DMRT1: variants seen among roughly 807,000 people sequenced by gnomAD.
The protein encoded by DMRT1 is doublesex and mab-3 related transcription factor 1, also known as doublesex- and mab-3-related transcription factor 1.
A neutral mutation model predicts 32.3 loss-of-function variants in DMRT1; 7 were observed. That is an observed-to-expected ratio of 0.22 (90% CI 0.12 to 0.41). The LOEUF (loss-of-function observed/expected upper bound fraction) is 0.41, where lower values mean the gene tolerates loss of function less well. Ranked by LOEUF, DMRT1 falls within the 10% of genes least tolerant of loss-of-function variation. The pLI, the probability that DMRT1 is intolerant of heterozygous loss-of-function variation, is 1.00. For missense variants in DMRT1, 625 were observed against 500.5 expected, an observed-to-expected ratio of 1.25 and a Z score of -2.37; for synonymous variants, 278 against 206.1, an observed-to-expected ratio of 1.35 and a Z score of -2.99.
chr9:863,583 C>G (rs1269850895), intron 2 of DMRT1, among the ~76,000 whole-genome samples: 1 of 152,132 alleles, frequency 6.6e-6, no homozygotes, highest in East Asian at 1.9e-4. Flanking sequence ...ATTCTGCCAT[C>G]TAACTGATTG....
chr9:868,739 T>G (rs1656320954), intron 2 of DMRT1, among the ~76,000 whole-genome samples: 4 of 152,194 alleles, frequency 2.6e-5, no homozygotes, highest in Non-Finnish European at 4.4e-5. Context: ...GCTGGGCACG[T>G]TGGCTCATGC....
chr9:903,464 T>G (rs910010271), intron 3 of DMRT1, among the ~76,000 whole-genome samples: 2 of 152,256 alleles, frequency 1.3e-5, no homozygotes, highest in African/African-American at 4.8e-5. Flanking sequence ...AATTGCTGTT[T>G]TGTTTCACAG....
chr9:963,836 G>T (rs927995211), intron 4 of DMRT1, among the ~76,000 whole-genome samples: 2 of 152,178 alleles, frequency 1.3e-5, no homozygotes, highest in Non-Finnish European at 2.9e-5. Flanking sequence ...TGAAGTGGAA[G>T]AATTTGTTGT....
At chr9:860,331 T>A (rs1815602172) in intron 2 of DMRT1, among the ~76,000 whole-genome samples, 1 of 152,082 alleles carries the variant, frequency 6.6e-6, no homozygotes, top group Admixed American at 6.6e-5. Context: ...TAAAATAAAA[T>A]ACACAAAATA....
intron 1 of DMRT1, among the ~76,000 whole-genome samples, chr9:845,875 G>C (rs1289798805): frequency 6.6e-6 from 1 of 152,092 alleles, no homozygotes; most frequent in African/African-American, 2.4e-5. Context: ...TCAAGGCTCT[G>C]TCCAAATACT....
At chr9:907,839 G>A (rs911776832) in intron 3 of DMRT1, among the ~76,000 whole-genome samples, 2 of 151,676 alleles carry the variant, frequency 1.3e-5, no homozygotes, top group South Asian at 4.2e-4. Flanking sequence ...ATGTGTGTGT[G>A]TGTGTGTGTG....
At chr9:944,533 T>C (rs986129398) in intron 4 of DMRT1, among the ~76,000 whole-genome samples, 1 of 152,226 alleles carries the variant, frequency 6.6e-6, no homozygotes, top group African/African-American at 2.4e-5. Flanking sequence ...GTCCTCCTGA[T>C]TGTTTGCATT....
At chr9:943,823 T>G (rs1298004480) in intron 4 of DMRT1, among the ~76,000 whole-genome samples, 1 of 152,230 alleles carries the variant, frequency 6.6e-6, no homozygotes, top group Non-Finnish European at 1.5e-5. Context: ...AAGAAGTTAT[T>G]TTTATCTTTC....
intron 2 of DMRT1, among the ~76,000 whole-genome samples, chr9:885,220 G>T (rs1586564866): frequency 6.6e-6 from 1 of 152,154 alleles, no homozygotes; most frequent in African/African-American, 2.4e-5. Context: ...GTTACAGGGT[G>T]CCTTTTAGTT....
chr9:959,136 G>T (rs117052268), intron 4 of DMRT1, among the ~76,000 whole-genome samples: 2,099 of 152,368 alleles, frequency 0.014, 18 homozygotes, highest in Non-Finnish European at 0.024. Context: ...AGAATCAAAT[G>T]ATAAGTCTAT....
chr9:908,901 C>T (rs1055612150), intron 3 of DMRT1, among the ~76,000 whole-genome samples: 4 of 152,172 alleles, frequency 2.6e-5, no homozygotes, highest in Non-Finnish European at 5.9e-5. Flanking sequence ...TTGGGTTCTT[C>T]AGCATCTGAA....
chr9:904,791 A>G (rs7035826), intron 3 of DMRT1, among the ~76,000 whole-genome samples: 34,744 of 152,118 alleles, frequency 0.23, 5,537 homozygotes, highest in African/African-American at 0.45. Flanking sequence ...CTAAAAATAC[A>G]AAATTAGCTG....
chr9:863,028 G>C (rs536988170), intron 2 of DMRT1, among the ~76,000 whole-genome samples: 4 of 151,784 alleles, frequency 2.6e-5, no homozygotes, highest in African/African-American at 7.2e-5. Context: ...TAAAAGTGGA[G>C]AGCTCCCTGG....
rs1820006050 is a variant in DMRT1 at position 968,414 on chromosome 9, T to C, written c.*275T>C. 1 of 387,780 alleles carries C rather than the reference T, an allele frequency of 2.6e-6. No homozygotes were observed. The highest frequency in any genetic ancestry group is 4.7e-6 in the Non-Finnish European group (1 of 210,990). 24.0% of individuals were successfully genotyped at this position (387,780 alleles called of 1,614,324 possible). The stretch of plus-strand genomic sequence containing the variant: ...CTGGTTTCATGTAGTTTTCAAGAAA[T>C]AAAAGAATTCATTCAAGTGAAGCCA... On this transcript the variant is annotated 3_prime_UTR_variant, in exon 5 of 5. Transcript: ENST00000382276.
chr9:903,106 GT>G (rs1329410678), intron 3 of DMRT1, among the ~76,000 whole-genome samples: 1 of 152,140 alleles, frequency 6.6e-6, no homozygotes, highest in Admixed American at 6.5e-5. Flanking sequence ...TGCCTATGAT[GT>G]TTTCTTCTGC....
At chr9:883,269 G>C (rs1046210632) in intron 2 of DMRT1, among the ~76,000 whole-genome samples, 11 of 151,470 alleles carry the variant, frequency 7.3e-5, no homozygotes, top group Admixed American at 2.6e-4. Flanking sequence ...ACCAAATTAC[G>C]TTAAAAAGAT....
chr9:899,287 A>C (rs758665956), intron 3 of DMRT1, among the ~76,000 whole-genome samples: 4 of 152,178 alleles, frequency 2.6e-5, no homozygotes, highest in Non-Finnish European at 4.4e-5. Context: ...TAACTTTTTA[A>C]AGCTAGAAGG....
chr9:897,145 CT>C (rs1817401744), intron 3 of DMRT1, among the ~76,000 whole-genome samples: 1 of 150,232 alleles, frequency 6.7e-6, no homozygotes. Flanking sequence ...CAGATTCTCG[CT>C]CTGTCGCCCA....
At chr9:884,855 A>G (rs1294142364) in intron 2 of DMRT1, among the ~76,000 whole-genome samples, 1 of 152,154 alleles carries the variant, frequency 6.6e-6, no homozygotes, top group Non-Finnish European at 1.5e-5. Context: ...CTGTAATCTC[A>G]GCTACTCGGG....
Sources: gnomAD v4.1 joint callset for allele counts (sites outside exome capture counted in the v4.1 genomes callset) on GRCh38, gnomAD v4.1.1 for gene constraint, MANE v1.5 for transcripts, NCBI Gene and HGNC (gene_info 2026-07-23, HGNC 2026-07-21) for gene names.